The following NEB variants were observed in gnomAD, a reference collection of about 807,000 sequenced individuals.
The protein encoded by NEB is nebulin.
NEB carries 512 observed loss-of-function variants against 952.2 expected under a neutral mutation model. The ratio of observed to expected loss-of-function variants is 0.54; its 90% CI spans 0.50 to 0.58. The LOEUF (loss-of-function observed/expected upper bound fraction) is 0.58, where lower values mean the gene tolerates loss of function less well. NEB is among the 20% of genes least tolerant of loss of function. The pLI is 0.00. For synonymous variants in NEB, 2,900 were observed against 3,149.8 expected, an observed-to-expected ratio of 0.92 and a Z score of 2.66; for missense variants, 8,428 against 9,231.1, an observed-to-expected ratio of 0.91 and a Z score of 3.56.
chr2:151,610,055 A>G lies in NEB; in HGVS notation c.12084T>C (p.Asp4028=), dbSNP rs1054788732. Residue 4028 remains aspartate, a synonymous_variant, in exon 81 of 182, where the codon GAT becomes GAC. Transcript: ENST00000397345. The stretch of plus-strand genomic sequence containing the variant: ...GTATGGCACACATAATCTTGGGATC[A>G]TCTTCAATGCTCTGGGCTCCAATGT... ...GHHIGAQSIE[D]DPKIMCAIHA... is the part of the protein sequence containing the mutation. The G allele has an allele frequency of 1.2e-6, 2 of 1,613,826 alleles. No individual in the cohort carries two copies. Among genetic ancestry groups the G allele is most frequent in the African/African-American group, 2.7e-5 (2 of 75,032 alleles).
intron 60 of NEB, 111 bp downstream of exon 60, chr2:151,642,463 C>T (rs2154112605): frequency 1.2e-6 from 1 of 868,842 alleles, no homozygotes; most frequent in African/African-American, 1.7e-5. Flanking sequence ...AAACAATAAA[C>T]TGTTAGCAAC....
rs1401025895 is a variant in NEB, at chr2:151,633,834, G to A, written c.9234C>T (p.Asp3078=). ...KIQSDREYKK[D]FEKWKTKFSS... ...TGAACTTGGTCTTCCACTTCTCAAA[G>A]TCCTTTTTGTACTCCCTGTCACTCT... The change falls in exon 65 of 182, where the codon GAC becomes GAT. Residue 3078 remains aspartate, a synonymous_variant. Transcript: ENST00000397345. 1 of 1,613,946 alleles carries A rather than the reference G, an allele frequency of 6.2e-7. No homozygotes were observed. Among genetic ancestry groups the A allele is most frequent in the Admixed American group, 1.7e-5 (1 of 60,012 alleles).
intron 77 of NEB, 119 bp from the exon 78 acceptor site, chr2:151,612,508 G>A (rs753920981): frequency 9.7e-5 from 99 of 1,020,516 alleles, no homozygotes; most frequent in Non-Finnish European, 1.7e-5. Flanking sequence ...AAATTTCTGG[G>A]AAGACCCACA....
chr2:151,702,704 G>A (rs574033065), intron 13 of NEB, among the ~76,000 whole-genome samples: 9 of 151,256 alleles, frequency 6.0e-5, no homozygotes, highest in South Asian at 2.1e-4. Context: ...CCTTTTTTTT[G>A]TTTTCCATTT....
In NEB at chr2:151,619,424, T is replaced by C. The variant is rs10186656; in HGVS notation, c.10872+27A>G. 1.0e-5 allele frequency: 16 copies of C among 1,559,650 alleles called. No individual in the cohort carries two copies. The African/African-American group carries it at 2.0e-4, about 20-fold the overall frequency. ...ACACGTTTCAGATCCGCTTTTAACATGCAGAGCTAACATCAAGGAAACTTA... is the reference window on the plus strand; with the variant it reads ...ACACGTTTCAGATCCGCTTTTAACACGCAGAGCTAACATCAAGGAAACTTA... On this transcript the variant is annotated intron_variant, in intron 73 of 181. Coordinates refer to ENST00000397345, the MANE Select transcript of NEB (RefSeq NM_001164508.2).
At chr2:151,690,229 T>G (rs973222243) in intron 24 of NEB, 10 of 161,086 alleles carry the variant, frequency 6.2e-5, no homozygotes, top group African/African-American at 2.4e-4. Flanking sequence ...CTTTGACCAC[T>G]CAATCTAAAG....
chr2:151,621,410 T>TATA (rs1208684087), intron 71 of NEB, among the ~76,000 whole-genome samples: 2 of 152,222 alleles, frequency 1.3e-5, no homozygotes, highest in Non-Finnish European at 2.9e-5. Context: ...TATAATAACA[T>TATA]ATAATAATAC....
chr2:151,702,642 A>G (rs2099679335), intron 13 of NEB, among the ~76,000 whole-genome samples: 1 of 151,282 alleles, frequency 6.6e-6, no homozygotes, highest in Non-Finnish European at 1.5e-5. Flanking sequence ...GTCTCTTTTG[A>G]TCTTTGTTGG....
intron 10 of NEB, among the ~76,000 whole-genome samples, chr2:151,714,647 C>T (rs1051636363): frequency 3.3e-5 from 5 of 152,078 alleles, no homozygotes; most frequent in South Asian, 2.1e-4. Context: ...TTGGCCCCAA[C>T]AGATGGATCT....
chr2:151,664,342 G>C (rs749125049), intron 44 of NEB, among the ~76,000 whole-genome samples, 159 bp downstream of exon 44: 1 of 152,212 alleles, frequency 6.6e-6, no homozygotes, highest in Non-Finnish European at 1.5e-5. Context: ...CAGATGATTA[G>C]AGGGTACTTG....
intron 58 of NEB, 137 bp from the exon 59 acceptor site, chr2:151,643,006 G>C (rs2098902567): frequency 3.5e-6 from 4 of 1,144,880 alleles, no homozygotes; most frequent in Non-Finnish European, 5.0e-6. Context: ...TAAATGTCTT[G>C]TGTCAATAAG....
In NEB at chr2:151,691,889, A is replaced by G. The variant is rs1213267829; in HGVS notation, c.2186T>C (p.Ile729Thr). Residue 729 changes from isoleucine to threonine, a missense_variant, in exon 23 of 182, where the codon ATC becomes ACC. Ile to Thr is a moderately conservative substitution (Grantham distance 89, BLOSUM62 -1). This residue lies in a region of NEB where 2,851 missense variants were observed against 2,791.5 expected (regional missense o/e 1.02). Transcript: ENST00000397345. ...ATCTTTACACTGGTCCAGCTTCTTG[A>G]TTGCTTCATATTCTTGTGTTATTGT... is the stretch of plus-strand genomic sequence containing the variant. ...PQTITQEYEA[I>T]KKLDQCKDHT... is the part of the protein sequence containing the mutation. 6.2e-7 allele frequency: 1 copy of G among 1,601,242 alleles called. No homozygotes were observed. Among genetic ancestry groups the G allele is most frequent in the African/African-American group, 1.3e-5 (1 of 74,996 alleles).
Position 151,540,446 on chromosome 2 carries a change from T to C in NEB, c.20790A>G (p.Lys6930=), listed in dbSNP as rs1306511233. The part of the protein sequence containing the change: ...AKDVKDMVSE[K]KYKIQYEKMK... ...TCTTTTCATATTGAATCTTGTACTT[T>C]TTCTGAGAAATAAATGCAGAAGAGA... The change falls in exon 138 of 182, where the codon AAA becomes AAG. Residue 6930 remains lysine (K), a splice_region_variant and synonymous_variant. Transcript: ENST00000397345. 1.3e-6 allele frequency: 2 copies of C among 1,554,026 alleles called. No homozygotes were observed. Among genetic ancestry groups the C allele is most frequent in the Non-Finnish European group, 1.7e-6 (2 of 1,145,668 alleles).
intron 3 of NEB, among the ~76,000 whole-genome samples, chr2:151,730,322 G>A (rs1328365163): frequency 6.6e-6 from 1 of 152,132 alleles, no homozygotes; most frequent in Non-Finnish European, 1.5e-5. Context: ...TCATCACAAA[G>A]TGTGGGAAAG....
chr2:151,560,983 G>C (rs774048375), intron 123 of NEB, 21 bp downstream of exon 123: 2 of 1,479,786 alleles, frequency 1.4e-6, no homozygotes, highest in South Asian at 2.4e-5. Flanking sequence ...ATATATAAGG[G>C]GGAAAAAAAA....
intron 181 of NEB, chr2:151,486,408 GAA>G (rs1213937326): frequency 6.3e-6 from 1 of 158,474 alleles, no homozygotes; most frequent in Non-Finnish European, 1.4e-5. Flanking sequence ...GGTGGAAGTG[GAA>G]AAGAGTGCAG....
In NEB at chr2:151,682,668, G is replaced by A. The variant is rs2099429455; in HGVS notation, c.2937C>T (p.Leu979=). Residue 979 remains leucine (L), a synonymous_variant, in exon 29 of 182, where the codon CTC becomes CTT. Coordinates refer to ENST00000397345, the MANE Select transcript of NEB (RefSeq NM_001164508.2). ...MEKAKRASDI[L]NEKKYRQHPD... is the part of the protein sequence containing the mutation. ...ACACACCCAGTGGCTTTACCTCATT[G>A]AGGATGTCTGAAGCTCGCTTTGCCT... is the stretch of plus-strand genomic sequence containing the variant. The A allele has an allele frequency of 6.2e-7, 1 of 1,611,124 alleles. No homozygotes were observed.
chr2:151,591,845 CAACA>C (rs1174319785), intron 95 of NEB, among the ~76,000 whole-genome samples, 185 bp downstream of exon 95: 43 of 152,276 alleles, frequency 2.8e-4, no homozygotes, highest in Non-Finnish European at 1.3e-4. Context: ...TTTTTCCTTC[CAACA>C]AACATTGAGA....
chr2:151,571,160 C>T (rs1189334630), intron 107 of NEB, among the ~76,000 whole-genome samples: 1 of 152,200 alleles, frequency 6.6e-6, no homozygotes, highest in Non-Finnish European at 1.5e-5. Context: ...CATGCGCCAC[C>T]AGGCCCAGCT....
Sources: gnomAD v4.1 joint callset for allele counts (sites outside exome capture counted in the v4.1 genomes callset) on GRCh38, gnomAD v4.1.1 for gene constraint, gnomAD v4.1.1 regional missense constraint, MANE v1.5 for transcripts, NCBI Gene and HGNC (gene_info 2026-07-23, HGNC 2026-07-21) for gene names.